Variants in EXOC6B observed in about 807,000 individuals in gnomAD.
EXOC6B encodes the protein SEC15 homolog B.
A neutral mutation model predicts 113.5 loss-of-function variants in EXOC6B; 54 were observed. That is an observed-to-expected ratio of 0.48 (90% CI 0.38 to 0.60). EXOC6B has a LOEUF of 0.60. EXOC6B is among the 20% of genes least tolerant of loss of function. The pLI, the probability that EXOC6B is intolerant of heterozygous loss-of-function variation, is 0.00. For synonymous variants in EXOC6B, 357 were observed against 339.0 expected (o/e 1.05, Z -0.58); for missense variants, 797 against 977.5 (o/e 0.82, Z 2.46).
intron 18 of EXOC6B, among the ~76,000 whole-genome samples, chr2:72,410,141 T>C (rs1694073813): frequency 6.6e-6 from 1 of 152,244 alleles, no homozygotes; most frequent in Non-Finnish European, 1.5e-5. Flanking sequence ...TTTCTGCTTA[T>C]TCTTCAATGT....
rs1239605056 is a variant in EXOC6B at position 72,244,290 on chromosome 2, CA to C, written c.2197-60104del. Among the ~76,000 whole-genome samples the C allele has an allele frequency of 5.9e-5, 9 of 152,186 alleles. No individual in the cohort carries two copies. In the East Asian group the frequency reaches 1.7e-3, roughly 29 times the overall value. ...CAAAATACCTGGAGATTAAACAGTA[CA>C]TTTCTGGATAAAGCATGAGTCAAAA... is the stretch of plus-strand genomic sequence containing the variant. On this transcript the variant is annotated intron_variant, in intron 20 of 21. Transcript: ENST00000272427.
chr2:72,493,699 CT>C (rs1699884284), intron 15 of EXOC6B, among the ~76,000 whole-genome samples: 1 of 151,866 alleles, frequency 6.6e-6, no homozygotes, highest in African/African-American at 2.4e-5. Flanking sequence ...CATGTGTTTG[CT>C]ATTTTAAAAA....
intron 20 of EXOC6B, among the ~76,000 whole-genome samples, chr2:72,216,054 T>C (rs1036939935): frequency 1.1e-4 from 16 of 151,800 alleles, no homozygotes; most frequent in Admixed American, 2.0e-4. Context: ...TCCAGATCCT[T>C]AGAGGTCCCT....
chr2:72,822,433 T>A (rs1244574201), intron 1 of EXOC6B, among the ~76,000 whole-genome samples: 2 of 152,152 alleles, frequency 1.3e-5, no homozygotes, highest in East Asian at 3.9e-4. Context: ...AGGTGGTATA[T>A]CCTTATGATA....
Position 72,631,573 on chromosome 2 carries a change from C to T in EXOC6B, c.670-55905G>A, listed in dbSNP as rs960129367. 2.7e-5 allele frequency among the ~76,000 whole-genome samples: 4 copies of T among 150,822 alleles called. No individual in the cohort carries two copies. In the South Asian group the frequency reaches 8.5e-4, roughly 32 times the overall value. ...AGGCTGGAGTACAATGGCACGATCA[C>T]TGCTTACTGAAGCCTTGACTTCCTG... On this transcript the variant is annotated intron_variant, in intron 6 of 21. Coordinates refer to ENST00000272427, the MANE Select transcript of EXOC6B (RefSeq NM_015189.3).
intron 1 of EXOC6B, among the ~76,000 whole-genome samples, chr2:72,808,462 C>G (rs1340947864): frequency 6.6e-6 from 1 of 152,032 alleles, no homozygotes; most frequent in Non-Finnish European, 1.5e-5. Flanking sequence ...AAAGTACACT[C>G]AAAAACACAA....
chr2:72,700,213 C>T (rs1678211370), intron 6 of EXOC6B, among the ~76,000 whole-genome samples: 1 of 140,206 alleles, frequency 7.1e-6, no homozygotes, highest in Non-Finnish European at 1.5e-5. Flanking sequence ...ATGGCTGCAT[C>T]CTGTTAGATA....
chr2:72,383,404 G>A (rs751088690), intron 18 of EXOC6B, among the ~76,000 whole-genome samples: 38 of 151,780 alleles, frequency 2.5e-4, no homozygotes, highest in Non-Finnish European at 4.7e-4. Flanking sequence ...AATGTTCAAC[G>A]TCACCAATCA....
intron 11 of EXOC6B, 46 bp downstream of exon 11, chr2:72,513,086 A>G (rs1364586579): frequency 6.2e-7 from 1 of 1,604,476 alleles, no homozygotes; most frequent in South Asian, 1.1e-5. Context: ...CTGAATATAT[A>G]GATAATCAGC....
chr2:72,288,399 TA>T (rs1403421320), intron 20 of EXOC6B, among the ~76,000 whole-genome samples: 3 of 150,724 alleles, frequency 2.0e-5, no homozygotes, highest in Admixed American at 6.6e-5. Context: ...TTTGTAAAAA[TA>T]AAAAAAAGAC....
At chr2:72,269,831 C>G (rs1684371093) in intron 20 of EXOC6B, among the ~76,000 whole-genome samples, 1 of 152,018 alleles carries the variant, frequency 6.6e-6, no homozygotes, top group South Asian at 2.1e-4. Context: ...ATAGATTTGT[C>G]TAGCACACAG....
intron 18 of EXOC6B, among the ~76,000 whole-genome samples, chr2:72,419,936 T>C (rs1694770469): frequency 6.6e-6 from 1 of 152,136 alleles, no homozygotes; most frequent in South Asian, 2.1e-4. Flanking sequence ...TGCATAATAG[T>C]CGGCTTGAAG....
chr2:72,258,223 T>C (rs1683471354), intron 20 of EXOC6B, among the ~76,000 whole-genome samples: 1 of 152,180 alleles, frequency 6.6e-6, no homozygotes, highest in African/African-American at 2.4e-5. Flanking sequence ...AAGCATTTCT[T>C]ATCTCTCTTA....
chr2:72,702,010 C>T (rs956364458), intron 6 of EXOC6B, among the ~76,000 whole-genome samples: 6 of 150,988 alleles, frequency 4.0e-5, no homozygotes, highest in East Asian at 3.9e-4. Context: ...CATGCTGGTG[C>T]GCTGCACCCA....
chr2:72,352,723 C>A, intron 19 of EXOC6B, among the ~76,000 whole-genome samples: 2 of 140,964 alleles, frequency 1.4e-5, no homozygotes, highest in Non-Finnish European at 1.5e-5. Flanking sequence ...AAAGTTAGGA[C>A]TGTAATCATT....
intron 6 of EXOC6B, among the ~76,000 whole-genome samples, chr2:72,657,311 T>C (rs1674658647): frequency 1.3e-5 from 2 of 148,594 alleles, no homozygotes. Context: ...CTGCAACCTC[T>C]GCCTCTCAGG....
chr2:72,671,344 A>G (rs916667987), intron 6 of EXOC6B, among the ~76,000 whole-genome samples: 14 of 152,210 alleles, frequency 9.2e-5, no homozygotes, highest in African/African-American at 3.4e-4. Context: ...AAAAATGGGC[A>G]GAAGATCTGA....
chr2:72,497,238 G>T (rs987199198), intron 13 of EXOC6B, among the ~76,000 whole-genome samples: 1 of 151,972 alleles, frequency 6.6e-6, no homozygotes, highest in African/African-American at 2.4e-5. Context: ...CTCCCAAAGT[G>T]CTGGGATTAC....
At chr2:72,399,108 A>G (rs1692965139) in intron 18 of EXOC6B, among the ~76,000 whole-genome samples, 1 of 152,174 alleles carries the variant, frequency 6.6e-6, no homozygotes. Flanking sequence ...AATATAATAT[A>G]GCACAATCCA....
Sources: gnomAD v4.1 joint callset for allele counts (sites outside exome capture counted in the v4.1 genomes callset) on GRCh38, gnomAD v4.1.1 for gene constraint, MANE v1.5 for transcripts, NCBI Gene and HGNC (gene_info 2026-07-23, HGNC 2026-07-21) for gene names.